RIMBP2: variants seen among roughly 807,000 people sequenced by gnomAD.
The protein encoded by RIMBP2 is RIMS binding protein 2.
In RIMBP2, 48 loss-of-function variants were observed where a neutral mutation model predicts 118.6. The observed-to-expected ratio is 0.40, with a 90% CI of 0.32 to 0.51. The LOEUF is 0.51. Among genes scored for constraint, RIMBP2 ranks in the 20% least tolerant of loss-of-function variants. The pLI is 0.41. For synonymous variants in RIMBP2, 762 were observed against 742.9 expected, an observed-to-expected ratio of 1.03 and a Z score of -0.42; for missense variants, 1,551 against 1,768.3, an observed-to-expected ratio of 0.88 and a Z score of 2.20.
At chr12:130,506,162 T>C (rs940454798) in intron 4 of RIMBP2, among the ~76,000 whole-genome samples, 7 of 152,050 alleles carry the variant, frequency 4.6e-5, no homozygotes, top group Non-Finnish European at 1.0e-4. Context: ...ACTGGCTAAA[T>C]ATTGAAGGAG....
rs771261279 is a variant in RIMBP2 at position 130,406,235 on chromosome 12, A to G, written c.3702T>C (p.Leu1234=). The change falls in exon 21 of 23, where the codon CTT becomes CTC. Residue 1234 remains leucine, a synonymous_variant. Transcript: ENST00000690449. ...TAATAATATCTCCTGTGCAAAATGT[A>G]AGTTCGGCCTGTGGAGATGAAACAT... The part of the protein sequence containing the change: ...SSPNVDVEAE[L]TFCTGDIITV... 2 of 1,602,614 alleles carry G rather than the reference A, an allele frequency of 1.2e-6. No individual in the cohort carries two copies. Among genetic ancestry groups the G allele is most frequent in the African/African-American group, 2.7e-5 (2 of 74,706 alleles).
intron 6 of RIMBP2, among the ~76,000 whole-genome samples, chr12:130,461,603 G>A (rs1301787213): frequency 1.3e-5 from 2 of 152,132 alleles, no homozygotes; most frequent in South Asian, 2.1e-4. Flanking sequence ...TGTTGGAGGC[G>A]GGGCCTGGCG....
intron 2 of RIMBP2, among the ~76,000 whole-genome samples, chr12:130,549,155 G>T (rs983183060): frequency 6.6e-6 from 1 of 152,164 alleles, no homozygotes; most frequent in Non-Finnish European, 1.5e-5. Context: ...TAATTCAAAC[G>T]TGTAACTCTA....
At chr12:130,582,575 G>A (rs1173634005) in intron 2 of RIMBP2, among the ~76,000 whole-genome samples, 2 of 152,236 alleles carry the variant, frequency 1.3e-5, no homozygotes, top group Non-Finnish European at 2.9e-5. Flanking sequence ...CTTAGAGATG[G>A]TTGTGGGTTT....
At chr12:130,409,946 C>T (rs1392056792) in intron 19 of RIMBP2, among the ~76,000 whole-genome samples, 1 of 152,190 alleles carries the variant, frequency 6.6e-6, no homozygotes, top group Non-Finnish European at 1.5e-5. Flanking sequence ...TGTAAGTGCA[C>T]ATATAACTTT....
intron 2 of RIMBP2, among the ~76,000 whole-genome samples, chr12:130,547,656 G>A (rs533377561): frequency 9.9e-5 from 15 of 152,194 alleles, no homozygotes; most frequent in Admixed American, 2.0e-4. Context: ...ACTCTGTCAC[G>A]TCAGCCCCGA....
rs373708135 is a variant in RIMBP2, at chr12:130,589,286, C to T, written c.-217+39036G>A. ...ACACACCTTCACAAGTGCACATGTG[C>T]GCACACATACAACACACGCTTTGTT... On this transcript the variant is annotated intron_variant, in intron 2 of 22. Transcript: ENST00000690449. 1.2e-4 allele frequency among the ~76,000 whole-genome samples: 18 copies of T among 152,274 alleles called. No individual in the cohort carries two copies. In the East Asian group the frequency reaches 1.4e-3, roughly 11 times the overall value.
chr12:130,645,460 C>G (rs960805345), intron 1 of RIMBP2, among the ~76,000 whole-genome samples: 1 of 152,246 alleles, frequency 6.6e-6, no homozygotes, highest in East Asian at 1.9e-4. Context: ...TTCCCCAGCA[C>G]TGGCTGGATG....
intron 19 of RIMBP2, 96 bp from the exon 20 acceptor site, chr12:130,407,925 C>T (rs563676307): frequency 1.8e-5 from 19 of 1,079,144 alleles, no homozygotes; most frequent in South Asian, 1.1e-4. Flanking sequence ...CCAATACAGC[C>T]GAGACCTGGC....
chr12:130,709,299 A>G (rs1949725401), intron 1 of RIMBP2, among the ~76,000 whole-genome samples: 1 of 152,164 alleles, frequency 6.6e-6, no homozygotes. Context: ...CTTCCCACAG[A>G]GACAATTATT....
intron 16 of RIMBP2, among the ~76,000 whole-genome samples, chr12:130,423,782 C>T (rs2076579223): frequency 6.8e-6 from 1 of 147,906 alleles, no homozygotes; most frequent in Non-Finnish European, 1.5e-5. Context: ...TACTAGTAGT[C>T]ATAAATAAAT....
intron 4 of RIMBP2, among the ~76,000 whole-genome samples, chr12:130,500,992 G>A (rs147069200): frequency 2.5e-3 from 383 of 152,200 alleles, no homozygotes; most frequent in African/African-American, 7.7e-3. Flanking sequence ...TCTCCCACCC[G>A]AGCATCCAGG....
chr12:130,569,362 C>A (rs1286702612), intron 2 of RIMBP2, among the ~76,000 whole-genome samples: 1 of 152,210 alleles, frequency 6.6e-6, no homozygotes, highest in Admixed American at 6.5e-5. Flanking sequence ...CTAACAGAAT[C>A]CCAGGCTCCT....
intron 3 of RIMBP2, among the ~76,000 whole-genome samples, chr12:130,509,839 T>C (rs997075707): frequency 2.6e-5 from 4 of 152,092 alleles, no homozygotes; most frequent in Admixed American, 1.3e-4. Flanking sequence ...CCCTGATGGG[T>C]AAAATCTCCA....
intron 2 of RIMBP2, among the ~76,000 whole-genome samples, chr12:130,521,097 C>T (rs1481029358): frequency 1.3e-5 from 2 of 152,168 alleles, no homozygotes; most frequent in Non-Finnish European, 2.9e-5. Flanking sequence ...ATGCCTACCT[C>T]TCACCCTTCT....
chr12:130,664,413 A>ATG (rs2063799635), intron 1 of RIMBP2, among the ~76,000 whole-genome samples: 59 of 121,232 alleles, frequency 4.9e-4, no homozygotes, highest in African/African-American at 1.7e-3. Context: ...GCACGCACGC[A>ATG]CACACACGCA....
chr12:130,603,695 CT>C (rs1350183149), intron 2 of RIMBP2, among the ~76,000 whole-genome samples: 2 of 152,260 alleles, frequency 1.3e-5, no homozygotes, highest in East Asian at 3.9e-4. Context: ...GAGGTGAAAG[CT>C]CGCTGTAGCC....
In RIMBP2 at chr12:130,703,921, C is replaced by T. The variant is rs981184856; in HGVS notation, c.-352+12301G>A. Reference sequence around the variant, plus strand: ...GCCCGACCACCCTGGGAGGCAGTGCCCCAGCTGTGCTCACCGGTGAGGGGA... The same window carrying T: ...GCCCGACCACCCTGGGAGGCAGTGCTCCAGCTGTGCTCACCGGTGAGGGGA... On this transcript the variant is annotated intron_variant, in intron 1 of 22. Coordinates refer to ENST00000690449, the MANE Select transcript of RIMBP2 (RefSeq NM_001393629.1). This position sits in a 1 kb window ranked among gnomAD's most constrained non-coding sequence, Gnocchi z 5.7. 1.3e-4 allele frequency among the ~76,000 whole-genome samples: 20 copies of T among 152,046 alleles called. No individual in the cohort carries two copies. The highest frequency in any genetic ancestry group is 4.1e-4 in the African/African-American group (17 of 41,402).
chr12:130,566,443 G>A (rs913321729), intron 2 of RIMBP2, among the ~76,000 whole-genome samples: 15 of 152,214 alleles, frequency 9.9e-5, no homozygotes, highest in African/African-American at 3.1e-4. Flanking sequence ...GCTGTGATAC[G>A]TCGCTTCTGA....
Sources: gnomAD v4.1 joint callset for allele counts (sites outside exome capture counted in the v4.1 genomes callset) on GRCh38, gnomAD v4.1.1 for gene constraint, Gnocchi (gnomAD v3.1) non-coding constraint, MANE v1.5 for transcripts, NCBI Gene and HGNC (gene_info 2026-07-23, HGNC 2026-07-21) for gene names.